Variants in SCN8A observed in about 807,000 individuals in gnomAD.
SCN8A encodes the protein sodium voltage-gated channel alpha subunit 8.
Under a neutral mutation model 184.1 loss-of-function variants are expected in SCN8A, and 30 were observed. That is an observed-to-expected ratio of 0.16 (90% CI 0.12 to 0.22). The LOEUF (loss-of-function observed/expected upper bound fraction) is 0.22, where lower values mean the gene tolerates loss of function less well. Ranked by LOEUF, SCN8A falls within the 10% of genes least tolerant of loss-of-function variation. The pLI is 1.00. For synonymous variants in SCN8A, 852 were observed against 907.0 expected, an observed-to-expected ratio of 0.94 and a Z score of 1.09; for missense variants, 1,057 against 2,498.9, an observed-to-expected ratio of 0.42 and a Z score of 12.30.
Position 51,653,045 on chromosome 12 carries a change from C to T in SCN8A, c.-54-9719C>T, listed in dbSNP as rs539143607. 3.9e-5 allele frequency among the ~76,000 whole-genome samples: 6 copies of T among 152,174 alleles called. No homozygotes were observed. The South Asian group carries it at 1.0e-3, about 26-fold the overall frequency. ...TTTTAAATATATAAACTGGGCCAAG[C>T]GAGGTGGCTCACGCCTGTAATCCCA... On this transcript the variant is annotated intron_variant, in intron 1 of 26. Transcript: ENST00000627620.
rs1278438851 is a variant in SCN8A at position 51,697,048 on chromosome 12, AAAAAAT to A, written c.707-2521_707-2516del. 7.9e-5 allele frequency among the ~76,000 whole-genome samples: 12 copies of A among 151,670 alleles called. No individual in the cohort carries two copies. In the South Asian group the frequency reaches 1.3e-3, roughly 16 times the overall value. On this transcript the variant is annotated intron_variant, in intron 6 of 26. Transcript: ENST00000627620. ...AGCGAGAATCCGACTCAAAAAAAAAAAAAAATGAAAAAGAAACACAATAGGTCATAA... is the reference window on the plus strand; with the variant it reads ...AGCGAGAATCCGACTCAAAAAAAAAAGAAAAAGAAACACAATAGGTCATAA...
At chr12:51,704,982 A>T (rs1481714198) in intron 9 of SCN8A, among the ~76,000 whole-genome samples, 1 of 152,180 alleles carries the variant, frequency 6.6e-6, no homozygotes, top group Non-Finnish European at 1.5e-5. Flanking sequence ...CTCAAAAAAA[A>T]AATAAATAAA....
rs146342976 is a variant in SCN8A at position 51,690,326 on chromosome 12, G to A, written c.706+1230G>A. ...TTCCTATTACGTGGCTCTTCCCCTT[G>A]TGGCTGACTCAGAAATATCTCTCTT... is the stretch of plus-strand genomic sequence containing the variant. On this transcript the variant is annotated intron_variant, in intron 6 of 26. Transcript: ENST00000627620. Among the ~76,000 whole-genome samples, 24 of 152,224 alleles carry A rather than the reference G, an allele frequency of 1.6e-4. 1 individual carries two copies. The highest frequency in any genetic ancestry group is 6.5e-4 in the Admixed American group (10 of 15,280).
At chr12:51,757,612 C>A (rs1394385445) in intron 14 of SCN8A, among the ~76,000 whole-genome samples, 2 of 152,178 alleles carry the variant, frequency 1.3e-5, no homozygotes, top group East Asian at 3.9e-4. Flanking sequence ...TACAAGTTAT[C>A]AGGCATATGA....
At chr12:51,721,258 T>C (rs1178339110) in intron 11 of SCN8A, among the ~76,000 whole-genome samples, 2 of 151,538 alleles carry the variant, frequency 1.3e-5, no homozygotes, top group African/African-American at 4.9e-5. Context: ...GCCATGTGCT[T>C]TACCCTGGAT....
At chr12:51,678,942 G>A (rs1941274217) in intron 2 of SCN8A, among the ~76,000 whole-genome samples, 1 of 151,996 alleles carries the variant, frequency 6.6e-6, no homozygotes, top group Non-Finnish European at 1.5e-5. Context: ...TGGGCATGGT[G>A]GCGGGCGCCT....
At chr12:51,672,688 T>C (rs1273906073) in intron 2 of SCN8A, among the ~76,000 whole-genome samples, 1 of 152,208 alleles carries the variant, frequency 6.6e-6, no homozygotes, top group Non-Finnish European at 1.5e-5. Context: ...TATTCAGAAT[T>C]GAACTCATTT....
At chr12:51,744,504 G>T (rs1165674011) in intron 12 of SCN8A, among the ~76,000 whole-genome samples, 1 of 151,820 alleles carries the variant, frequency 6.6e-6, no homozygotes, top group Non-Finnish European at 1.5e-5. Flanking sequence ...CAGGGAAATC[G>T]GTTTTTTTTT....
chr12:51,747,411 A>G (rs916969341), intron 13 of SCN8A, among the ~76,000 whole-genome samples: 4 of 152,280 alleles, frequency 2.6e-5, no homozygotes, highest in Non-Finnish European at 4.4e-5. Context: ...TAAGAATTCC[A>G]AGCTAAGAAA....
At chr12:51,768,598 G>C (rs1214897014) in intron 16 of SCN8A, among the ~76,000 whole-genome samples, 1 of 152,096 alleles carries the variant, frequency 6.6e-6, no homozygotes, top group African/African-American at 2.4e-5. Flanking sequence ...GATTATAAGA[G>C]AAGTAATATA....
In SCN8A at chr12:51,808,444, T is replaced by C. The variant is rs999881318; in HGVS notation, c.*1015T>C. On this transcript the variant is annotated 3_prime_UTR_variant, in exon 27 of 27. Transcript: ENST00000627620. Reference sequence around the variant, plus strand: ...CTATTTAATGCTGCTCTGTGTCCAGTACATGGGGGAGACTTTGATCCCAAA... The same window carrying C: ...CTATTTAATGCTGCTCTGTGTCCAGCACATGGGGGAGACTTTGATCCCAAA... The C allele has an allele frequency of 6.6e-6, 1 of 152,636 alleles. No individual in the cohort carries two copies. Among genetic ancestry groups the C allele is most frequent in the African/African-American group, 2.4e-5 (1 of 41,444 alleles). The allele number at this position is 152,636 out of a possible 1,614,324, so 9.5% of individuals were successfully genotyped here. A position where few individuals can be genotyped will look rare whatever the true frequency, so the allele number is the denominator to read the frequency against.
At chr12:51,744,060 G>A (rs946577706) in intron 12 of SCN8A, among the ~76,000 whole-genome samples, 1 of 152,218 alleles carries the variant, frequency 6.6e-6, no homozygotes, top group Admixed American at 6.5e-5. Context: ...CCAGCGTTTT[G>A]GAAGGCTGAG....
At chr12:51,744,941 T>G (rs1256956359) in intron 12 of SCN8A, among the ~76,000 whole-genome samples, 1 of 152,132 alleles carries the variant, frequency 6.6e-6, no homozygotes, top group Non-Finnish European at 1.5e-5. Flanking sequence ...GGGCTGCTGA[T>G]TGTCTCTGTC....
chr12:51,734,500 G>A (rs549399022), intron 12 of SCN8A, among the ~76,000 whole-genome samples: 16 of 152,360 alleles, frequency 1.1e-4, no homozygotes, highest in Non-Finnish European at 1.8e-4. Flanking sequence ...GACACAGATC[G>A]CTCATGCTAT....
chr12:51,797,559 AC>A (rs2138925209), intron 26 of SCN8A, among the ~76,000 whole-genome samples: 1 of 152,256 alleles, frequency 6.6e-6, no homozygotes, highest in African/African-American at 2.4e-5. Context: ...TGGTGGAGTG[AC>A]CCAAATCTTC....
chr12:51,707,120 G>A (rs1412024715), intron 11 of SCN8A, among the ~76,000 whole-genome samples: 1 of 151,856 alleles, frequency 6.6e-6, no homozygotes, highest in African/African-American at 2.4e-5. Flanking sequence ...ATTTGTTGAT[G>A]GGCACTTAGG....
At chr12:51,697,391 A>T (rs1941613279) in intron 6 of SCN8A, among the ~76,000 whole-genome samples, 1 of 152,202 alleles carries the variant, frequency 6.6e-6, no homozygotes, top group East Asian at 1.9e-4. Flanking sequence ...CCCAATAAAA[A>T]TGTATTAAGT....
intron 25 of SCN8A, among the ~76,000 whole-genome samples, chr12:51,794,059 T>G (rs1487900439): frequency 6.6e-6 from 1 of 150,746 alleles, no homozygotes; most frequent in Non-Finnish European, 1.5e-5. Context: ...GGCATGAGAA[T>G]TGTTTGAACC....
At chr12:51,701,254 C>G in intron 8 of SCN8A, 47 bp downstream of exon 8, 1 of 1,294,088 alleles carries the variant, frequency 7.7e-7, no homozygotes, top group Non-Finnish European at 1.1e-6. Context: ...AATAATGTAC[C>G]TGTTATTAGT....
Sources: allele counts gnomAD v4.1 joint callset (sites outside exome capture counted in the v4.1 genomes callset), GRCh38; gene constraint gnomAD v4.1.1; transcripts MANE v1.5; gene names NCBI Gene and HGNC (gene_info 2026-07-23, HGNC 2026-07-21).